Variants in GTF2F2 observed in about 807,000 individuals in gnomAD.
GTF2F2 encodes the protein general transcription factor IIF subunit 2.
Under a neutral mutation model 42.2 loss-of-function variants are expected in GTF2F2, and 23 were observed. The ratio of observed to expected loss-of-function variants is 0.55; its 90% CI spans 0.39 to 0.77. GTF2F2 has a LOEUF of 0.77. Among genes scored for constraint, GTF2F2 ranks in the 30% least tolerant of loss-of-function variants. GTF2F2 has a pLI of 0.00. For missense variants in GTF2F2, 261 were observed against 287.2 expected, an observed-to-expected ratio of 0.91 and a Z score of 0.66; for synonymous variants, 105 against 100.8, an observed-to-expected ratio of 1.04 and a Z score of -0.25.
chr13:45,198,724 A>G (rs190183098), intron 4 of GTF2F2, among the ~76,000 whole-genome samples: 27 of 150,186 alleles, frequency 1.8e-4, no homozygotes, highest in Non-Finnish European at 3.4e-4. Flanking sequence ...TTGTTTATTG[A>G]TCTGTGTTTT....
intron 5 of GTF2F2, among the ~76,000 whole-genome samples, chr13:45,232,123 A>G (rs148116223): frequency 1.2e-3 from 178 of 152,308 alleles, no homozygotes; most frequent in African/African-American, 4.1e-3. Flanking sequence ...AATGATTCAT[A>G]CTTACATATA....
At position 45,183,533 on chromosome 13, in the gene GTF2F2, C is replaced by T. The variant is rs116486346; in HGVS notation, c.305-23891C>T. On this transcript the variant is annotated intron_variant, in intron 4 of 7. Coordinates refer to ENST00000340473, the MANE Select transcript of GTF2F2 (RefSeq NM_004128.3). The stretch of plus-strand genomic sequence containing the variant: ...GCATATCCAGAAGTCACTTTGCTTA[C>T]ATTCCACTAGTCAGAACTTGATAAC... Among the ~76,000 whole-genome samples, 880 of 152,266 alleles carry T rather than the reference C, an allele frequency of 5.8e-3. 10 individuals are homozygous for T. The highest frequency in any genetic ancestry group is 0.02 in the African/African-American group (850 of 41,500).
At chr13:45,245,838 G>T (rs9595273) in intron 5 of GTF2F2, among the ~76,000 whole-genome samples, 1 of 145,566 alleles carries the variant, frequency 6.9e-6, no homozygotes, top group Non-Finnish European at 1.5e-5. Flanking sequence ...CTACTCGGGA[G>T]GCTGAGGCAG....
chr13:45,176,603 G>T (rs1485783199), intron 4 of GTF2F2, among the ~76,000 whole-genome samples: 1 of 151,810 alleles, frequency 6.6e-6, no homozygotes, highest in Non-Finnish European at 1.5e-5. Context: ...GGTATTTTTT[G>T]ATGAACAGAA....
intron 4 of GTF2F2, among the ~76,000 whole-genome samples, chr13:45,188,446 A>C (rs1358580129): frequency 1.3e-5 from 2 of 152,216 alleles, no homozygotes; most frequent in East Asian, 3.8e-4. Context: ...TGTAAGTAGA[A>C]AGCCTAATTA....
chr13:45,151,709 A>G lies in GTF2F2; in HGVS notation c.182A>G (p.Asp61Gly), dbSNP rs1048960402. 5.0e-6 allele frequency: 8 copies of G among 1,607,008 alleles called. No individual in the cohort carries two copies. The highest frequency in any genetic ancestry group is 6.8e-6 in the Non-Finnish European group (8 of 1,174,522). ...TAGGTGTCATTTACTTTGAATGAGG[A>G]TCTTGCAAATATTCATGATATTGGT... is the stretch of plus-strand genomic sequence containing the variant. ...RTEVSFTLNE[D>G]LANIHDIGGK... Residue 61 changes from aspartate to glycine, a missense_variant, in exon 4 of 8, where the codon GAT (aspartate) becomes GGT (glycine). Physicochemically the swap from Asp to Gly is moderately conservative, Grantham distance 94. Coordinates refer to ENST00000340473, the MANE Select transcript of GTF2F2 (RefSeq NM_004128.3).
intron 1 of GTF2F2, among the ~76,000 whole-genome samples, chr13:45,126,188 G>C (rs1052155713): frequency 6.7e-6 from 1 of 149,778 alleles, no homozygotes; most frequent in African/African-American, 2.5e-5. Flanking sequence ...TGGGGAACTA[G>C]ATATTTGATG....
intron 4 of GTF2F2, among the ~76,000 whole-genome samples, chr13:45,184,991 G>A (rs1031537275): frequency 6.6e-6 from 1 of 151,998 alleles, no homozygotes; most frequent in Admixed American, 6.5e-5. Context: ...TTGTGTGTGT[G>A]TGTGTATTTT....
intron 5 of GTF2F2, among the ~76,000 whole-genome samples, chr13:45,230,674 A>G (rs1874629176): frequency 6.6e-6 from 1 of 152,232 alleles, no homozygotes; most frequent in Non-Finnish European, 1.5e-5. Flanking sequence ...AAAATTGTTT[A>G]CAGTGATATG....
At chr13:45,195,524 G>C (rs751389939) in intron 4 of GTF2F2, among the ~76,000 whole-genome samples, 3 of 147,394 alleles carry the variant, frequency 2.0e-5, no homozygotes, top group Non-Finnish European at 4.4e-5. Context: ...GGGTAAGTTA[G>C]TTTCTTGTTT....
intron 7 of GTF2F2, among the ~76,000 whole-genome samples, chr13:45,269,886 CA>C (rs1357543560): frequency 6.6e-6 from 1 of 152,116 alleles, no homozygotes; most frequent in East Asian, 1.9e-4. Flanking sequence ...GGCTGGAGTG[CA>C]ATGGCACAAT....
intron 5 of GTF2F2, among the ~76,000 whole-genome samples, chr13:45,211,288 CA>C (rs1566136474): frequency 1.3e-5 from 2 of 150,726 alleles, no homozygotes; most frequent in Non-Finnish European, 2.9e-5. Context: ...TATAAATTAT[CA>C]AAATAGCAAA....
At chr13:45,271,576 A>G (rs1037438695) in intron 7 of GTF2F2, among the ~76,000 whole-genome samples, 1 of 151,388 alleles carries the variant, frequency 6.6e-6, no homozygotes, top group African/African-American at 2.4e-5. Flanking sequence ...TTCTTGAGAC[A>G]GAGTCTTGCT....
chr13:45,276,431 C>T (rs1877037476), intron 7 of GTF2F2, among the ~76,000 whole-genome samples: 3 of 143,090 alleles, frequency 2.1e-5, no homozygotes, highest in Admixed American at 2.1e-4. Flanking sequence ...TTCTGAGGAA[C>T]TGCTAGACTT....
intron 5 of GTF2F2, among the ~76,000 whole-genome samples, chr13:45,215,315 A>G (rs903731375): frequency 1.3e-5 from 2 of 152,282 alleles, no homozygotes; most frequent in Admixed American, 1.3e-4. Flanking sequence ...ACTTTTGAGA[A>G]TGAAAGCAGG....
rs537363313 is a variant in GTF2F2, at chr13:45,284,527, A to G, written c.*966A>G. 6.6e-6 allele frequency: 1 copy of G among 152,312 alleles called. No individual in the cohort carries two copies. The highest frequency in any genetic ancestry group is 2.1e-4 in the South Asian group (1 of 4,830). The allele number at this position is 152,312 out of a possible 1,614,324, so 9.4% of individuals were successfully genotyped here. A position where few individuals can be genotyped will look rare whatever the true frequency, so the allele number is the denominator to read the frequency against. Reference sequence around the variant, plus strand: ...ATTATATATTAAGCGATCCAAAATCATACTGTCAAGACCATCAAACAAAAC... The same window carrying G: ...ATTATATATTAAGCGATCCAAAATCGTACTGTCAAGACCATCAAACAAAAC... On this transcript the variant is annotated 3_prime_UTR_variant, in exon 8 of 8. Coordinates refer to ENST00000340473, the MANE Select transcript of GTF2F2 (RefSeq NM_004128.3).
Position 45,232,289 on chromosome 13 carries a change from A to T in GTF2F2, c.387-20582A>T, listed in dbSNP as rs141921003. 2.0e-4 allele frequency among the ~76,000 whole-genome samples: 31 copies of T among 152,254 alleles called. No homozygotes were observed. In the East Asian group the frequency reaches 6.0e-3, roughly 29 times the overall value. ...TTGGGTGCTTAGCTTTAAATAAATAATTCTGGTTTTAAGACTTCAGTTTTT... is the reference window on the plus strand; with the variant it reads ...TTGGGTGCTTAGCTTTAAATAAATATTTCTGGTTTTAAGACTTCAGTTTTT... On this transcript the variant is annotated intron_variant, in intron 5 of 7. Coordinates refer to ENST00000340473, the MANE Select transcript of GTF2F2 (RefSeq NM_004128.3).
chr13:45,168,584 T>A (rs375629270), intron 4 of GTF2F2, among the ~76,000 whole-genome samples: 4 of 152,144 alleles, frequency 2.6e-5, no homozygotes, highest in African/African-American at 9.7e-5. Context: ...CAACCCTCAG[T>A]GTTTTCTGAC....
intron 4 of GTF2F2, among the ~76,000 whole-genome samples, chr13:45,172,520 G>A (rs1355970328): frequency 3.3e-5 from 5 of 152,010 alleles, no homozygotes; most frequent in Non-Finnish European, 7.4e-5. Context: ...GATGGTATTC[G>A]TTGGAGTACA....
Sources: allele counts gnomAD v4.1 joint callset (sites outside exome capture counted in the v4.1 genomes callset), GRCh38; gene constraint gnomAD v4.1.1; transcripts MANE v1.5; gene names NCBI Gene and HGNC (gene_info 2026-07-23, HGNC 2026-07-21).